Variants in PLCH1 observed in about 807,000 individuals in gnomAD.
The protein encoded by PLCH1 is phospholipase C eta 1.
In PLCH1, 60 loss-of-function variants were observed where a neutral mutation model predicts 126.7. The ratio of observed to expected loss-of-function variants is 0.47; its 90% CI spans 0.38 to 0.59. PLCH1 has a LOEUF of 0.59. Among genes scored for constraint, PLCH1 ranks in the 20% least tolerant of loss-of-function variants. The probability of loss-of-function intolerance (pLI) is 0.00; values close to 1 mark genes in which losing one functional copy is unlikely to be tolerated. For synonymous variants in PLCH1, 719 were observed against 734.9 expected, an observed-to-expected ratio of 0.98 and a Z score of 0.35; for missense variants, 1,723 against 2,040.0, an observed-to-expected ratio of 0.84 and a Z score of 2.99.
At chr3:155,721,837 C>T (rs1222142363) in intron 1 of PLCH1, among the ~76,000 whole-genome samples, 6 of 152,122 alleles carry the variant, frequency 3.9e-5, no homozygotes, top group South Asian at 2.1e-4. Flanking sequence ...CACCTGAAGT[C>T]GGGAGTTCAA....
chr3:155,551,684 CAAAA>C (rs35872401), intron 9 of PLCH1, among the ~76,000 whole-genome samples: 14 of 86,998 alleles, frequency 1.6e-4, no homozygotes, highest in African/African-American at 4.2e-4. Flanking sequence ...AGCTCTCTAC[CAAAA>C]AAAAAAAAAA....
chr3:155,626,805 A>G (rs1332114761), intron 2 of PLCH1, among the ~76,000 whole-genome samples: 3 of 150,184 alleles, frequency 2.0e-5, no homozygotes, highest in Non-Finnish European at 4.4e-5. Context: ...AAAAAGGAAA[A>G]AGATGATAAG....
intron 21 of PLCH1, among the ~76,000 whole-genome samples, chr3:155,459,605 A>G (rs888351799): frequency 3.3e-5 from 5 of 152,184 alleles, no homozygotes; most frequent in Non-Finnish European, 7.3e-5. Flanking sequence ...AAGGGGGACT[A>G]TTAGAATAAA....
Position 155,482,837 on chromosome 3 carries a change from T to C in PLCH1, c.3189A>G (p.Thr1063=). The stretch of plus-strand genomic sequence containing the variant: ...GACAGGGGTTTTCCTGGCAATTGCT[T>C]GTGGCATTTGATGTGGTTCTCCCAC... ...PRGGRTTSNA[T]SNCQENPCPS... is the part of the protein sequence containing the mutation. Residue 1063 remains threonine, a synonymous_variant, in exon 23 of 23, where the codon ACA becomes ACG. Transcript: ENST00000460012. The C allele has an allele frequency of 1.2e-6, 2 of 1,614,116 alleles. No individual in the cohort carries two copies. The highest frequency in any genetic ancestry group is 1.7e-6 in the Non-Finnish European group (2 of 1,180,010).
At chr3:155,592,495 CAA>C (rs35964197) in intron 4 of PLCH1, among the ~76,000 whole-genome samples, 3 of 135,912 alleles carry the variant, frequency 2.2e-5, no homozygotes, top group Admixed American at 7.3e-5. Flanking sequence ...ACTCCATCTC[CAA>C]AAAAAAAAAA....
At chr3:155,477,245 T>A (rs942155869), downstream of PLCH1, among the ~76,000 whole-genome samples, 13 of 152,036 alleles carry the variant, frequency 8.6e-5, no homozygotes, top group Admixed American at 6.6e-5. Flanking sequence ...TATACAAAAA[T>A]CAAATTAAAA....
chr3:155,511,947 C>T (rs947519471), intron 12 of PLCH1, among the ~76,000 whole-genome samples: 10 of 152,084 alleles, frequency 6.6e-5, no homozygotes, highest in African/African-American at 1.9e-4. Context: ...GCCCCTCCCC[C>T]AGCCTCATTG....
intron 2 of PLCH1, among the ~76,000 whole-genome samples, chr3:155,688,891 C>A (rs1300026364): frequency 1.3e-5 from 2 of 152,184 alleles, no homozygotes; most frequent in African/African-American, 4.8e-5. Flanking sequence ...AATAGAACAT[C>A]AGGTAAATTG....
At chr3:155,682,659 T>A (rs1327354066) in intron 2 of PLCH1, among the ~76,000 whole-genome samples, 5 of 152,222 alleles carry the variant, frequency 3.3e-5, no homozygotes, top group Non-Finnish European at 7.3e-5. Flanking sequence ...TCCCTATGAA[T>A]GTGCCCAAGA....
chr3:155,555,806 G>A (rs1726747433), intron 8 of PLCH1, among the ~76,000 whole-genome samples: 1 of 152,042 alleles, frequency 6.6e-6, no homozygotes, highest in South Asian at 2.1e-4. Context: ...ACAGAACCTC[G>A]CTAGCCCACA....
At chr3:155,726,334 T>C (rs74959109) in intron 1 of PLCH1, among the ~76,000 whole-genome samples, 3,519 of 152,274 alleles carry the variant, frequency 0.023, 133 homozygotes, top group African/African-American at 0.081. Flanking sequence ...TTTTTAAAGA[T>C]TGTTTTTTAA....
intron 11 of PLCH1, among the ~76,000 whole-genome samples, chr3:155,519,288 G>A (rs983266419): frequency 3.9e-5 from 6 of 152,190 alleles, no homozygotes; most frequent in Admixed American, 6.5e-5. Flanking sequence ...GAGAAAGGAC[G>A]CTGCAGCTGG....
At chr3:155,460,260 A>G (rs1372573470) in intron 21 of PLCH1, among the ~76,000 whole-genome samples, 4 of 152,166 alleles carry the variant, frequency 2.6e-5, no homozygotes, top group Non-Finnish European at 5.9e-5. Flanking sequence ...CATGACATTT[A>G]TTTCTTTAAT....
intron 6 of PLCH1, 73 bp from the exon 7 acceptor site, chr3:155,568,397 T>A: frequency 1.5e-6 from 1 of 672,564 alleles, no homozygotes; most frequent in African/African-American, 1.8e-5. Context: ...GAAAGACATT[T>A]ACTGATTTTG....
chr3:155,472,605 G>A (rs1200011292), intron 21 of PLCH1, among the ~76,000 whole-genome samples: 1 of 151,902 alleles, frequency 6.6e-6, no homozygotes, highest in Non-Finnish European at 1.5e-5. Context: ...TGATACCAAA[G>A]CCGGGCAGAG....
intron 2 of PLCH1, among the ~76,000 whole-genome samples, chr3:155,655,329 G>A (rs911337514): frequency 3.9e-5 from 6 of 151,936 alleles, no homozygotes; most frequent in African/African-American, 9.7e-5. Flanking sequence ...CCAGTTACTC[G>A]GGAGGTTAGA....
At chr3:155,599,926 G>A (rs1039799653) in intron 2 of PLCH1, among the ~76,000 whole-genome samples, 5 of 152,090 alleles carry the variant, frequency 3.3e-5, no homozygotes, top group African/African-American at 1.2e-4. Flanking sequence ...TCTGCACATT[G>A]TTTTAGCATA....
At chr3:155,615,824 C>T (rs551475095) in intron 2 of PLCH1, among the ~76,000 whole-genome samples, 1 of 152,222 alleles carries the variant, frequency 6.6e-6, no homozygotes, top group African/African-American at 2.4e-5. Flanking sequence ...GTGTATACTG[C>T]TTGGGTGACA....
At chr3:155,568,754 C>CTGTGTGTGTGTGTGTGTGTGTGTGTGTG (rs3068946) in intron 6 of PLCH1, among the ~76,000 whole-genome samples, 10 of 147,280 alleles carry the variant, frequency 6.8e-5, no homozygotes, top group African/African-American at 2.5e-4. Flanking sequence ...AAATGTACCT[C>CTGTGTGTGTGTGTGTGTGTGTGTGTGTG]TGTGTGTGTG....
Sources: gnomAD v4.1 joint callset for allele counts (sites outside exome capture counted in the v4.1 genomes callset) on GRCh38, gnomAD v4.1.1 for gene constraint, MANE v1.5 for transcripts, NCBI Gene and HGNC (gene_info 2026-07-23, HGNC 2026-07-21) for gene names.